Variants in CFAP58 observed in about 807,000 individuals in gnomAD.
CFAP58 encodes the protein cilia- and flagella-associated protein 58.
In CFAP58, 88 loss-of-function variants were observed where a neutral mutation model predicts 119.5. The ratio of observed to expected loss-of-function variants is 0.74; its 90% confidence interval spans 0.62 to 0.88. The LOEUF (loss-of-function observed/expected upper bound fraction) is 0.88. Among genes scored for constraint, CFAP58 ranks in the 40% least tolerant of loss-of-function variants. The probability of loss-of-function intolerance (pLI) is 0.00; values close to 1 mark genes in which losing one functional copy is unlikely to be tolerated. For synonymous variants in CFAP58, 365 were observed against 366.3 expected, an observed-to-expected ratio of 1.00 and a Z score of 0.04; for missense variants, 990 against 1,021.2, an observed-to-expected ratio of 0.97 and a Z score of 0.42.
chr10:104,406,719 C>T lies in CFAP58; in HGVS notation c.2182C>T (p.Gln728Ter). The change falls in exon 15 of 18, where the codon CAG becomes TAG. Residue 728 changes from glutamine to a stop codon, truncating the protein, a stop_gained. Coordinates refer to ENST00000369704, the MANE Select transcript of CFAP58 (RefSeq NM_001008723.2). LOFTEE classifies it high-confidence loss of function. ...ASDPNAYELI[Q>*]KIHTLQKRLI... ...CGACCCCAATGCATATGAGCTGATA[C>T]AGAAAATTCACACCCTGCAGAAGCG... The T allele has an allele frequency of 6.2e-6, 10 of 1,614,180 alleles. No homozygotes were observed. The highest frequency in any genetic ancestry group is 8.5e-6 in the Non-Finnish European group (10 of 1,180,032).
chr10:104,364,053 G>A (rs1368960462), intron 3 of CFAP58, among the ~76,000 whole-genome samples: 1 of 152,098 alleles, frequency 6.6e-6, no homozygotes, highest in Non-Finnish European at 1.5e-5. Context: ...TCCAAAAATG[G>A]GCATCATGAA....
At chr10:104,369,482 A>G (rs2014794856) in intron 6 of CFAP58, among the ~76,000 whole-genome samples, 2 of 152,222 alleles carry the variant, frequency 1.3e-5, no homozygotes, top group African/African-American at 4.8e-5. Context: ...TTTGAACCCT[A>G]TAGGGTCTGA....
At chr10:104,350,057 A>G (rs962352786), upstream of CFAP58, among the ~76,000 whole-genome samples, 5 of 152,206 alleles carry the variant, frequency 3.3e-5, no homozygotes, top group Non-Finnish European at 1.5e-5. Flanking sequence ...AGTGCTTACT[A>G]TATCCTGTCT....
At chr10:104,347,132 G>T in the CFAP58 span, among the ~76,000 whole-genome samples, 5 of 152,014 alleles carry the variant, frequency 3.3e-5, no homozygotes, top group Non-Finnish European at 7.3e-5. Context: ...AAAATTCAAG[G>T]CAGGTAAGAC....
chr10:104,384,091 A>G (rs998089118), intron 9 of CFAP58, among the ~76,000 whole-genome samples: 3 of 152,242 alleles, frequency 2.0e-5, no homozygotes, highest in African/African-American at 7.2e-5. Flanking sequence ...TTTATTTGAC[A>G]TAGTATTATG....
At chr10:104,344,307 C>G in the CFAP58 span, among the ~76,000 whole-genome samples, 2 of 152,374 alleles carry the variant, frequency 1.3e-5, no homozygotes, top group South Asian at 2.1e-4. Flanking sequence ...ATTCATCCAT[C>G]CATTCATTCA....
Position 104,397,961 on chromosome 10 carries a change from C to T in CFAP58, c.1675-1399C>T, listed in dbSNP as rs370664046. ...GAGCCTTACCTCCAGCTATTCCCTA[C>T]CTAACTCTCTAATTCAGCCATACTG... is the stretch of plus-strand genomic sequence containing the variant. On this transcript the variant is annotated intron_variant, in intron 11 of 17. Coordinates refer to ENST00000369704, the MANE Select transcript of CFAP58 (RefSeq NM_001008723.2). Among the ~76,000 whole-genome samples the T allele has an allele frequency of 1.1e-4, 16 of 152,356 alleles. No homozygotes were observed. The East Asian group carries it at 2.3e-3, about 22-fold the overall frequency.
intron 15 of CFAP58, among the ~76,000 whole-genome samples, chr10:104,444,240 C>T (rs1307446941): frequency 1.3e-5 from 2 of 152,202 alleles, no homozygotes; most frequent in Middle Eastern, 3.2e-3. Flanking sequence ...ATAATATCCT[C>T]TTTATGATAT....
At chr10:104,414,680 A>T (rs984687433) in intron 15 of CFAP58, among the ~76,000 whole-genome samples, 5 of 151,714 alleles carry the variant, frequency 3.3e-5, no homozygotes. Context: ...TTTTATTTTT[A>T]TTTTTTTGAG....
chr10:104,394,693 C>T (rs1027303110), intron 11 of CFAP58, among the ~76,000 whole-genome samples: 8 of 152,098 alleles, frequency 5.3e-5, no homozygotes, highest in African/African-American at 1.7e-4. Flanking sequence ...CATTCATCTC[C>T]CCCACTCTAG....
chr10:104,363,232 G>A (rs1278280688), intron 3 of CFAP58, among the ~76,000 whole-genome samples: 1 of 152,186 alleles, frequency 6.6e-6, no homozygotes, highest in Non-Finnish European at 1.5e-5. Context: ...CCATTAGGCT[G>A]TGAACTCCCT....
chr10:104,349,299 T>C (rs973603847), upstream of CFAP58, among the ~76,000 whole-genome samples: 1 of 151,850 alleles, frequency 6.6e-6, no homozygotes, highest in African/African-American at 2.4e-5. Flanking sequence ...AACAAAAAAA[T>C]TGATTTCCTC....
At chr10:104,364,142 T>C (rs976469347) in intron 3 of CFAP58, among the ~76,000 whole-genome samples, 1 of 152,194 alleles carries the variant, frequency 6.6e-6, no homozygotes, top group Non-Finnish European at 1.5e-5. Flanking sequence ...TTTGGGTAAA[T>C]TGATAGAAAA....
the CFAP58 span, among the ~76,000 whole-genome samples, chr10:104,345,214 T>C: frequency 6.6e-6 from 1 of 152,172 alleles, no homozygotes; most frequent in East Asian, 1.9e-4. Flanking sequence ...ATGCCTATCC[T>C]TGTTGCCTAT....
At chr10:104,400,566 G>C (rs2012242875) in intron 12 of CFAP58, 114 bp from the exon 13 acceptor site, 2 of 823,282 alleles carry the variant, frequency 2.4e-6, no homozygotes, top group Non-Finnish European at 4.1e-6. Flanking sequence ...CAGCCCATGT[G>C]GTGCCCAGTA....
chr10:104,413,937 T>C (rs2012502883), intron 15 of CFAP58, among the ~76,000 whole-genome samples: 1 of 152,116 alleles, frequency 6.6e-6, no homozygotes, highest in Non-Finnish European at 1.5e-5. Context: ...TCCAAATGCT[T>C]AAATATGGGG....
chr10:104,395,007 G>A (rs971885576), intron 11 of CFAP58, among the ~76,000 whole-genome samples: 2 of 152,162 alleles, frequency 1.3e-5, no homozygotes, highest in African/African-American at 4.8e-5. Context: ...TTAAAGGATG[G>A]TGTTGGGTCT....
At chr10:104,399,235 C>A in intron 11 of CFAP58, 125 bp from the exon 12 acceptor site, 1 of 939,896 alleles carries the variant, frequency 1.1e-6, no homozygotes, top group Non-Finnish European at 1.6e-6. Flanking sequence ...AGTGATCAAA[C>A]TGTGTTAAAT....
chr10:104,409,043 T>A (rs969007237), intron 15 of CFAP58, among the ~76,000 whole-genome samples: 2 of 152,076 alleles, frequency 1.3e-5, no homozygotes, highest in Non-Finnish European at 2.9e-5. Context: ...GAGGCTGTGG[T>A]GAGCTGTGAT....
Sources: allele counts gnomAD v4.1 joint callset (sites outside exome capture counted in the v4.1 genomes callset), GRCh38; gene constraint gnomAD v4.1.1; transcripts MANE v1.5; gene names NCBI Gene and HGNC (gene_info 2026-07-23, HGNC 2026-07-21).